The following HS6ST3 variants were observed in gnomAD, a reference collection of about 807,000 sequenced individuals.
HS6ST3 encodes heparan sulfate 6-O-sulfotransferase 3, also known as heparan-sulfate 6-O-sulfotransferase 3.
HS6ST3 carries 12 observed loss-of-function variants against 36.7 expected under a neutral mutation model. The ratio of observed to expected loss-of-function variants is 0.33; its 90% CI spans 0.21 to 0.53. The LOEUF (loss-of-function observed/expected upper bound fraction) is 0.53, where lower values mean the gene tolerates loss of function less well. Ranked by LOEUF, HS6ST3 falls within the 20% of genes least tolerant of loss-of-function variation. HS6ST3 has a pLI of 0.95. For missense variants in HS6ST3, 584 were observed against 640.9 expected, an observed-to-expected ratio of 0.91 and a Z score of 0.96; for synonymous variants, 240 against 257.5, an observed-to-expected ratio of 0.93 and a Z score of 0.65.
At chr13:96,830,143 G>A (rs9582068) in intron 1 of HS6ST3, among the ~76,000 whole-genome samples, 39,597 of 151,628 alleles carry the variant, frequency 0.26, 5,364 homozygotes, top group East Asian at 0.43. Flanking sequence ...AGATAAATAT[G>A]CCCAATTGTT....
intron 1 of HS6ST3, among the ~76,000 whole-genome samples, chr13:96,233,779 C>T (rs2054519308): frequency 6.6e-6 from 1 of 151,986 alleles, no homozygotes; most frequent in African/African-American, 2.4e-5. Context: ...GACTTGGTAC[C>T]TGAAGTTTAG....
chr13:96,220,514 G>T (rs2054450059), intron 1 of HS6ST3, among the ~76,000 whole-genome samples: 1 of 152,158 alleles, frequency 6.6e-6, no homozygotes, highest in Non-Finnish European at 1.5e-5. Flanking sequence ...CAGAGGTTCT[G>T]TTTTTCTCTA....
intron 1 of HS6ST3, among the ~76,000 whole-genome samples, chr13:96,695,381 A>C (rs1392198854): frequency 3.9e-5 from 6 of 152,208 alleles, no homozygotes; most frequent in Non-Finnish European, 5.9e-5. Context: ...AGAAATAGGC[A>C]TACAATTCCT....
At chr13:96,696,314 G>A (rs1875126709) in intron 1 of HS6ST3, among the ~76,000 whole-genome samples, 1 of 152,162 alleles carries the variant, frequency 6.6e-6, no homozygotes, top group Non-Finnish European at 1.5e-5. Context: ...ATCTAGGATA[G>A]TCTCCCTTAT....
At chr13:96,670,653 G>C (rs906901834) in intron 1 of HS6ST3, among the ~76,000 whole-genome samples, 12 of 152,270 alleles carry the variant, frequency 7.9e-5, no homozygotes, top group Middle Eastern at 3.4e-3. Context: ...TATGAGTACA[G>C]ATGAAGGTAA....
chr13:96,573,739 C>A, intron 1 of HS6ST3: 1 of 325,832 alleles, frequency 3.1e-6, no homozygotes. Flanking sequence ...GAGTCCACAG[C>A]CGTCCCCAGC....
At chr13:96,815,057 T>C (rs1379525731) in intron 1 of HS6ST3, among the ~76,000 whole-genome samples, 1 of 152,218 alleles carries the variant, frequency 6.6e-6, no homozygotes, top group African/African-American at 2.4e-5. Context: ...TCATTTCTTA[T>C]GGCCACAGTG....
intron 1 of HS6ST3, among the ~76,000 whole-genome samples, chr13:96,599,379 T>G (rs2056413391): frequency 1.3e-5 from 2 of 152,076 alleles, no homozygotes; most frequent in South Asian, 2.1e-4. Flanking sequence ...AGATCGCATG[T>G]TCCCAGGAAT....
intron 1 of HS6ST3, among the ~76,000 whole-genome samples, chr13:96,517,469 A>C (rs1398423207): frequency 6.6e-6 from 1 of 152,224 alleles, no homozygotes; most frequent in Admixed American, 6.5e-5. Flanking sequence ...GGGAGAGGGC[A>C]GACATGGGGA....
At chr13:96,355,384 C>G (rs1594761171) in intron 1 of HS6ST3, among the ~76,000 whole-genome samples, 1 of 150,826 alleles carries the variant, frequency 6.6e-6, no homozygotes, top group Non-Finnish European at 1.5e-5. Context: ...CACACACACA[C>G]ACACACACAC....
rs1343778101 is a variant in HS6ST3, at chr13:96,284,910, G to GCTTGCTTGCTTTCTTT, written c.707+193344_707+193345insGCTTGCTTTCTTTCTT. On this transcript the variant is annotated intron_variant, in intron 1 of 1. Coordinates refer to ENST00000376705, the MANE Select transcript of HS6ST3 (RefSeq NM_153456.4). ...GGGCTTTAAGATTGAATGCATATTT[G>GCTTGCTTGCTTTCTTT]CTTTCTTTCTTTCTTTCTTTCTTTC... Among the ~76,000 whole-genome samples, 922 of 134,634 alleles carry GCTTGCTTGCTTTCTTT rather than the reference G, an allele frequency of 6.8e-3. 7 individuals carry two copies. The highest frequency in any genetic ancestry group is 0.013 in the East Asian group (59 of 4,428). The allele number at this position is 134,634 out of a possible 152,430, so 88.3% of individuals were successfully genotyped here.
intron 1 of HS6ST3, among the ~76,000 whole-genome samples, chr13:96,597,815 G>A (rs2056407545): frequency 6.6e-6 from 1 of 151,968 alleles, no homozygotes; most frequent in African/African-American, 2.4e-5. Context: ...GATCTTAGAT[G>A]TAAGTCCTTA....
intron 1 of HS6ST3, among the ~76,000 whole-genome samples, chr13:96,369,118 G>C (rs569114066): frequency 6.6e-6 from 1 of 152,004 alleles, no homozygotes; most frequent in Non-Finnish European, 1.5e-5. Context: ...GTTGCGTACC[G>C]ATAATCTTGA....
chr13:96,149,861 C>T lies in HS6ST3; in HGVS notation c.707+58292C>T, dbSNP rs117553637. On this transcript the variant is annotated intron_variant, in intron 1 of 1. Transcript: ENST00000376705. ...TAATATATGTATTTTCTTAAGATAT[C>T]TGAGAATGACTCAATTAATTCTATA... Among the ~76,000 whole-genome samples, 606 of 152,322 alleles carry T rather than the reference C, an allele frequency of 4.0e-3. 2 individuals carry two copies. The highest frequency in any genetic ancestry group is 0.017 in the Middle Eastern group (5 of 294).
intron 1 of HS6ST3, among the ~76,000 whole-genome samples, chr13:96,096,939 A>G (rs1443856269): frequency 1.3e-5 from 2 of 152,202 alleles, no homozygotes; most frequent in African/African-American, 4.8e-5. Context: ...TGTAGTGTAA[A>G]ACTAAAGAGC....
chr13:96,303,149 A>T (rs1222004561), intron 1 of HS6ST3, among the ~76,000 whole-genome samples: 7 of 152,210 alleles, frequency 4.6e-5, no homozygotes, highest in Admixed American at 1.3e-4. Context: ...AAAATGCATG[A>T]ATTCAGTGAA....
intron 1 of HS6ST3, among the ~76,000 whole-genome samples, chr13:96,683,992 C>T (rs941846012): frequency 2.0e-5 from 3 of 152,008 alleles, no homozygotes; most frequent in Non-Finnish European, 4.4e-5. Flanking sequence ...AGGCTGAGAG[C>T]TAAGTCACTT....
chr13:96,117,081 C>A (rs1183857827), intron 1 of HS6ST3, among the ~76,000 whole-genome samples: 3 of 152,166 alleles, frequency 2.0e-5, no homozygotes, highest in Non-Finnish European at 4.4e-5. Flanking sequence ...TTTAGGATTG[C>A]ACATTTAAGA....
intron 1 of HS6ST3, among the ~76,000 whole-genome samples, chr13:96,790,785 C>A (rs959441305): frequency 6.6e-6 from 1 of 152,068 alleles, no homozygotes; most frequent in African/African-American, 2.4e-5. Context: ...TAGCAGTCAC[C>A]TTCACAGGTG....
Sources: gnomAD v4.1 joint callset for allele counts (sites outside exome capture counted in the v4.1 genomes callset) on GRCh38, gnomAD v4.1.1 for gene constraint, MANE v1.5 for transcripts, NCBI Gene and HGNC (gene_info 2026-07-23, HGNC 2026-07-21) for gene names.